NUDC: variants seen among roughly 807,000 people sequenced by gnomAD.
NUDC encodes nuclear migration protein nudC.
In NUDC, 14 loss-of-function variants were observed where a neutral mutation model predicts 45.0. The observed-to-expected ratio is 0.31, with a 90% CI of 0.21 to 0.49. The LOEUF is 0.49. Among genes scored for constraint, NUDC ranks in the 20% least tolerant of loss-of-function variants. The pLI, the probability that NUDC is intolerant of heterozygous loss-of-function variation, is 0.99. For synonymous variants in NUDC, 153 were observed against 156.7 expected (o/e 0.98, Z 0.17); for missense variants, 323 against 426.2 (o/e 0.76, Z 2.13).
At chr1:26,913,664 C>T (rs909954823) in intron 3 of NUDC, 15 of 1,613,532 alleles carry the variant, frequency 9.3e-6, no homozygotes, top group Middle Eastern at 3.3e-4. Flanking sequence ...AAGAGGGGGC[C>T]CCAGCAACCC....
At chr1:26,911,394 A>AT (rs981401144) in intron 3 of NUDC, 11 of 344,920 alleles carry the variant, frequency 3.2e-5, no homozygotes, top group Non-Finnish European at 5.7e-5. Context: ...AACCCTGTGG[A>AT]TTTTTTCCCT....
chr1:26,925,292 G>A (rs930844347), intron 2 of NUDC, among the ~76,000 whole-genome samples: 6 of 151,102 alleles, frequency 4.0e-5, no homozygotes, highest in African/African-American at 1.5e-4. Flanking sequence ...TGTAATCCCA[G>A]CACTTTGGGA....
intron 1 of NUDC, chr1:26,900,486 C>T (rs1557662417): frequency 1.3e-6 from 2 of 1,512,024 alleles, no homozygotes; most frequent in South Asian, 1.2e-5. Context: ...CTCGCGAGAA[C>T]ACCGCGAGCA....
intron 2 of NUDC, among the ~76,000 whole-genome samples, chr1:26,929,416 A>AC (rs1015010112): frequency 2.0e-5 from 3 of 150,952 alleles, no homozygotes; most frequent in African/African-American, 7.4e-5. Context: ...GAAAAAACAA[A>AC]AAAAAAAAAC....
chr1:26,933,211 G>T (rs1170890160), intron 2 of NUDC, among the ~76,000 whole-genome samples: 1 of 151,966 alleles, frequency 6.6e-6, no homozygotes, highest in East Asian at 1.9e-4. Context: ...TGGGATTACA[G>T]GCTTGACCAC....
intron 3 of NUDC, chr1:26,912,112 C>CT (rs1491039278): frequency 5.0e-6 from 8 of 1,611,962 alleles, no homozygotes; most frequent in Non-Finnish European, 6.8e-6. Flanking sequence ...GAGAAGAGGG[C>CT]TGGTGAGCAC....
chr1:26,901,383 C>T (rs534797964), intron 1 of NUDC, among the ~76,000 whole-genome samples: 3 of 149,560 alleles, frequency 2.0e-5, no homozygotes, highest in Non-Finnish European at 4.4e-5. Context: ...GAGCCACGGT[C>T]CCCGCCTTTT....
intron 1 of NUDC, among the ~76,000 whole-genome samples, chr1:26,923,320 T>A (rs2082106021): frequency 6.6e-6 from 1 of 152,174 alleles, no homozygotes; most frequent in Admixed American, 6.5e-5. Context: ...TGTACAGAGT[T>A]AAGAAACTTC....
chr1:26,922,122 C>G (rs546665161), intron 1 of NUDC, 193 bp downstream of exon 1: 20 of 618,182 alleles, frequency 3.2e-5, no homozygotes, highest in South Asian at 5.7e-5. Flanking sequence ...GTCCCGGGCC[C>G]CCGGCGCCCC....
chr1:26,939,056 C>T (rs951120411), intron 2 of NUDC, among the ~76,000 whole-genome samples: 11 of 152,250 alleles, frequency 7.2e-5, no homozygotes, highest in South Asian at 4.2e-4. Flanking sequence ...GCTGGTGGCG[C>T]GATCTCTGCT....
chr1:26,900,522 T>C lies in NUDC; in HGVS notation c.-101+122T>C, dbSNP rs985650645. On this transcript the variant is annotated intron_variant, in intron 1 of 6. Transcript: ENST00000435827. ...ACGTTCCAGCCCCTGCGTTGCGAGA[T>C]TGTGAAAATTCTAACTAGTCCTTTG... 1.6e-5 allele frequency: 19 copies of C among 1,218,372 alleles called. No individual in the cohort carries two copies. In the African/African-American group the frequency reaches 2.1e-4, roughly 14 times the overall value. The allele number at this position is 1,218,372 out of a possible 1,614,324, so 75.5% of individuals were successfully genotyped here.
At chr1:26,913,428 C>T (rs748581012) in intron 3 of NUDC, 3 of 1,614,088 alleles carry the variant, frequency 1.9e-6, no homozygotes, top group South Asian at 2.2e-5. Flanking sequence ...AGAGGATGGT[C>T]CCTTTCAGGC....
chr1:26,911,934 T>C (rs989201434), intron 3 of NUDC: 8 of 1,613,972 alleles, frequency 5.0e-6, no homozygotes, highest in African/African-American at 1.3e-5. Flanking sequence ...AGCAGGCTGG[T>C]CGGAATGGAC....
intron 2 of NUDC, among the ~76,000 whole-genome samples, chr1:26,926,658 G>T (rs573246063): frequency 1.5e-4 from 22 of 151,662 alleles, no homozygotes; most frequent in African/African-American, 4.6e-4. Flanking sequence ...GGAGTGCAAT[G>T]GCACGATCTC....
chr1:26,935,309 C>CTT (rs2082220113), intron 2 of NUDC, among the ~76,000 whole-genome samples: 1 of 152,030 alleles, frequency 6.6e-6, no homozygotes, highest in Non-Finnish European at 1.5e-5. Context: ...TATAAATTAC[C>CTT]CAGTCTAGGG....
intron 1 of NUDC, 96 bp from the exon 2 acceptor site, chr1:26,923,993 C>G (rs1416933664): frequency 2.7e-6 from 3 of 1,109,548 alleles, no homozygotes; most frequent in Non-Finnish European, 4.2e-6. Flanking sequence ...ATAGTCAAGT[C>G]CCAAGTTCCC....
chr1:26,940,275 G>A (rs543363607), intron 2 of NUDC, among the ~76,000 whole-genome samples: 4 of 152,080 alleles, frequency 2.6e-5, no homozygotes, highest in Admixed American at 2.0e-4. Context: ...TCAGGAGTTC[G>A]AGACCAGCCT....
chr1:26,907,936 T>C (rs181609841), intron 2 of NUDC, among the ~76,000 whole-genome samples: 25 of 152,348 alleles, frequency 1.6e-4, no homozygotes, highest in African/African-American at 6.0e-4. Context: ...CCCAGCACTT[T>C]GGAAGGCCAA....
intron 3 of NUDC, among the ~76,000 whole-genome samples, chr1:26,914,731 C>T (rs2082052080): frequency 2.0e-5 from 3 of 152,062 alleles, no homozygotes; most frequent in Non-Finnish European, 4.4e-5. Flanking sequence ...CTTTGGGAGG[C>T]TGAGGAAGGG....
Sources: gnomAD v4.1 joint callset for allele counts (sites outside exome capture counted in the v4.1 genomes callset) on GRCh38, gnomAD v4.1.1 for gene constraint, MANE v1.5 for transcripts, NCBI Gene and HGNC (gene_info 2026-07-23, HGNC 2026-07-21) for gene names.